The following GNG7 variants were observed in gnomAD, a reference collection of about 807,000 sequenced individuals.
GNG7 encodes the protein G protein subunit gamma 7.
In GNG7, 1 loss-of-function variant was observed where a neutral mutation model predicts 4.0. The observed-to-expected ratio is 0.25, with a 90% CI of 0.09 to 1.18. GNG7 has a LOEUF of 1.18. GNG7 is among the 50% of genes most tolerant of loss of function. The pLI, the probability that GNG7 is intolerant of heterozygous loss-of-function variation, is 0.50. For missense variants in GNG7, 86 were observed against 91.9 expected, an observed-to-expected ratio of 0.94 and a Z score of 0.26; for synonymous variants, 34 against 36.9, an observed-to-expected ratio of 0.92 and a Z score of 0.29.
intron 2 of GNG7, among the ~76,000 whole-genome samples, chr19:2,558,087 C>A (rs556910819): frequency 8.1e-4 from 123 of 152,124 alleles, no homozygotes; most frequent in African/African-American, 2.6e-3. Flanking sequence ...GTGATCCGCC[C>A]ACCTCGGCCT....
intron 4 of GNG7, among the ~76,000 whole-genome samples, chr19:2,516,209 C>A (rs1301193627): frequency 1.3e-5 from 2 of 151,852 alleles, no homozygotes; most frequent in African/African-American, 2.4e-5. Flanking sequence ...GGAGCAAGAC[C>A]CTGTCTCAAT....
Position 2,618,833 on chromosome 19 carries a change from C to T in GNG7, c.-78+27391G>A, listed in dbSNP as rs997691641. Reference sequence around the variant, plus strand: ...CCTTCCTAGTAACCAAATGCCACAGCGATTCAGCTTCCCTCAGTTTTCCCC... The same window carrying T: ...CCTTCCTAGTAACCAAATGCCACAGTGATTCAGCTTCCCTCAGTTTTCCCC... On this transcript the variant is annotated intron_variant, in intron 2 of 4. Transcript: ENST00000382159. This position sits in a 1 kb window ranked among gnomAD's most constrained non-coding sequence, Gnocchi z 5.1. Among the ~76,000 whole-genome samples, 4 of 152,132 alleles carry T rather than the reference C, an allele frequency of 2.6e-5. No homozygotes were observed. The highest frequency in any genetic ancestry group is 2.0e-4 in the Admixed American group (3 of 15,262).
chr19:2,599,611 G>C (rs1421363228), intron 2 of GNG7, among the ~76,000 whole-genome samples: 1 of 152,158 alleles, frequency 6.6e-6, no homozygotes, highest in Non-Finnish European at 1.5e-5. Flanking sequence ...TTCAGGCACG[G>C]CCTAAAGGCA....
chr19:2,588,223 T>TG (rs1980733834), intron 2 of GNG7, among the ~76,000 whole-genome samples: 1 of 152,118 alleles, frequency 6.6e-6, no homozygotes. Context: ...CTAAGCTTGG[T>TG]GGGGGCGTGA....
chr19:2,560,425 T>G (rs765044), intron 2 of GNG7, among the ~76,000 whole-genome samples: 62,187 of 151,764 alleles, frequency 0.41, 13,116 homozygotes, highest in East Asian at 0.55. Flanking sequence ...GCAGGACCCC[T>G]TACCTCCACA....
intron 2 of GNG7, chr19:2,643,296 T>G (rs1377326716): frequency 4.7e-6 from 2 of 421,936 alleles, no homozygotes; most frequent in Admixed American, 5.3e-5. Context: ...GCACCGGAAA[T>G]GCAAAGTCCG....
intron 2 of GNG7, among the ~76,000 whole-genome samples, chr19:2,566,541 G>A (rs1181023677): frequency 1.3e-5 from 2 of 152,188 alleles, no homozygotes; most frequent in Admixed American, 6.5e-5. Context: ...GGAAGGGTCC[G>A]AGACAGCAGA....
chr19:2,654,774 G>C (rs753943366), intron 1 of GNG7, among the ~76,000 whole-genome samples: 3 of 114,036 alleles, frequency 2.6e-5, no homozygotes, highest in Non-Finnish European at 5.9e-5. Context: ...TGAATGCAGG[G>C]TCTCCCCCCT....
intron 1 of GNG7, among the ~76,000 whole-genome samples, chr19:2,662,280 A>AAAAG (rs34389468): frequency 3.5e-5 from 5 of 143,080 alleles, no homozygotes; most frequent in South Asian, 4.4e-4. Flanking sequence ...AAAAAAAAAA[A>AAAAG]TCAACCCAAG....
rs537840425 is a variant in GNG7, at chr19:2,606,608, T to C, written c.-78+39616A>G. Among the ~76,000 whole-genome samples the C allele has an allele frequency of 2.0e-5, 3 of 151,714 alleles. No individual in the cohort carries two copies. The East Asian group carries it at 5.8e-4, about 30-fold the overall frequency. ...AGGTGGAGGTTGCGGTGAGCCAAGA[T>C]TGTGCCACTGCACTCCAGCCTGGGC... is the stretch of plus-strand genomic sequence containing the variant. On this transcript the variant is annotated intron_variant, in intron 2 of 4. Coordinates refer to ENST00000382159, the MANE Select transcript of GNG7 (RefSeq NM_052847.3).
At position 2,558,055 on chromosome 19, in the gene GNG7, A is replaced by C. The variant is rs546114915; in HGVS notation, c.-77-2867T>G. ...AGGGGGTTTCACCGTGTTAGCCAGG[A>C]TGGCCTTGATCTCCTGACCTCGTGA... On this transcript the variant is annotated intron_variant, in intron 2 of 4. Coordinates refer to ENST00000382159, the MANE Select transcript of GNG7 (RefSeq NM_052847.3). Among the ~76,000 whole-genome samples, 345 of 151,850 alleles carry C rather than the reference A, an allele frequency of 2.3e-3. 1 individual carries two copies. The highest frequency in any genetic ancestry group is 8.0e-3 in the African/African-American group (331 of 41,392).
At chr19:2,664,486 C>G (rs1983255105) in intron 1 of GNG7, among the ~76,000 whole-genome samples, 1 of 152,158 alleles carries the variant, frequency 6.6e-6, no homozygotes, top group African/African-American at 2.4e-5. Flanking sequence ...ACAGGCTCCA[C>G]TGCACCCTGG....
chr19:2,607,649 T>C (rs2144818901), intron 2 of GNG7, among the ~76,000 whole-genome samples: 1 of 151,444 alleles, frequency 6.6e-6, no homozygotes, highest in East Asian at 1.9e-4. Context: ...CATTGTTATG[T>C]ATTTTAACAA....
chr19:2,549,742 A>C (rs4505449), intron 3 of GNG7, among the ~76,000 whole-genome samples: 97,988 of 151,894 alleles, frequency 0.65, 32,443 homozygotes, highest in East Asian at 0.8. Flanking sequence ...GAGGGAGGAA[A>C]CACAAGGCTG....
intron 2 of GNG7, among the ~76,000 whole-genome samples, chr19:2,582,656 ATTTTTTTTTTT>A (rs35625825): frequency 0.2 from 17,467 of 86,244 alleles, 1,188 homozygotes; most frequent in Middle Eastern, 0.23. Context: ...CTAATTGTTA[ATTTTTTTTTTT>A]TTTTTTTTTT....
chr19:2,520,387 C>G (rs539990765), intron 4 of GNG7, among the ~76,000 whole-genome samples: 1 of 152,176 alleles, frequency 6.6e-6, no homozygotes, highest in Non-Finnish European at 1.5e-5. Context: ...TTACAAAGCA[C>G]GTTACATTGC....
intron 1 of GNG7, among the ~76,000 whole-genome samples, chr19:2,656,328 G>C (rs969923304): frequency 3.9e-5 from 6 of 152,240 alleles, no homozygotes; most frequent in African/African-American, 1.2e-4. Context: ...GTGAGGCCGG[G>C]TGCGGTGGCT....
intron 1 of GNG7, among the ~76,000 whole-genome samples, chr19:2,659,460 C>G (rs995552503): frequency 6.6e-6 from 1 of 150,586 alleles, no homozygotes; most frequent in African/African-American, 2.4e-5. Flanking sequence ...CATGGTGGCA[C>G]TTGCCTGTAA....
intron 1 of GNG7, among the ~76,000 whole-genome samples, chr19:2,660,574 C>G (rs1240055807): frequency 6.6e-6 from 1 of 151,494 alleles, no homozygotes; most frequent in Non-Finnish European, 1.5e-5. Context: ...TCAAGACCAG[C>G]CTGGGCAACA....
Sources: gnomAD v4.1 joint callset for allele counts (sites outside exome capture counted in the v4.1 genomes callset) on GRCh38, gnomAD v4.1.1 for gene constraint, Gnocchi (gnomAD v3.1) non-coding constraint, MANE v1.5 for transcripts, NCBI Gene and HGNC (gene_info 2026-07-23, HGNC 2026-07-21) for gene names.